CSMD1: variants seen among roughly 807,000 people sequenced by gnomAD.
CSMD1 encodes the protein CUB and Sushi multiple domains 1, also known as CUB and sushi domain-containing protein 1.
A neutral mutation model predicts 417.5 loss-of-function variants in CSMD1; 213 were observed. The ratio of observed to expected loss-of-function variants is 0.51; its 90% CI spans 0.46 to 0.57. The LOEUF (loss-of-function observed/expected upper bound fraction) is 0.57. Among genes scored for constraint, CSMD1 ranks in the 20% least tolerant of loss-of-function variants. The probability of loss-of-function intolerance (pLI) is 0.00; values close to 1 mark genes in which losing one functional copy is unlikely to be tolerated. For missense variants in CSMD1, 6,923 were observed against 4,529.7 expected, an observed-to-expected ratio of 1.53 and a Z score of -15.17; for synonymous variants, 2,862 against 1,736.8, an observed-to-expected ratio of 1.65 and a Z score of -16.11.
At chr8:4,512,441 T>G (rs957838551) in intron 2 of CSMD1, among the ~76,000 whole-genome samples, 2 of 151,958 alleles carry the variant, frequency 1.3e-5, no homozygotes, top group East Asian at 3.9e-4. Flanking sequence ...ATAAAGCAAG[T>G]AGAGAAAATA....
intron 2 of CSMD1, among the ~76,000 whole-genome samples, chr8:4,575,254 G>A (rs1420122223): frequency 2.0e-5 from 3 of 152,182 alleles, no homozygotes; most frequent in Non-Finnish European, 4.4e-5. Context: ...CAATTAAAAG[G>A]TGGAGATCAT....
intron 2 of CSMD1, among the ~76,000 whole-genome samples, chr8:4,439,461 T>G (rs942682371): frequency 6.6e-6 from 1 of 152,142 alleles, no homozygotes; most frequent in African/African-American, 2.4e-5. Context: ...CCTAACATTC[T>G]TATGTTTTCC....
At chr8:3,396,163 T>G in intron 17 of CSMD1, 31 bp downstream of exon 17, 1 of 1,540,432 alleles carries the variant, frequency 6.5e-7, no homozygotes, top group Non-Finnish European at 8.8e-7. Context: ...CATGCTGCCC[T>G]GCCGGGCTGT....
At chr8:3,749,976 T>G (rs922204959) in intron 6 of CSMD1, among the ~76,000 whole-genome samples, 4 of 152,214 alleles carry the variant, frequency 2.6e-5, no homozygotes, top group Non-Finnish European at 5.9e-5. Flanking sequence ...GGTAAAACAG[T>G]TTTCTAAAAC....
chr8:3,307,749 T>G lies in CSMD1; in HGVS notation c.3896A>C (p.Asp1299Ala), dbSNP rs1263940700. ...ILSPGYPAPY[D>A]NNLHCTWIIE... is the part of the protein sequence containing the mutation. ...AATCCAGGTGCAGTGGAGGTTGTTGTCATACGGAGCTGGATAGCCAGGGGA... is the reference window on the plus strand; with the variant it reads ...AATCCAGGTGCAGTGGAGGTTGTTGGCATACGGAGCTGGATAGCCAGGGGA... The change falls in exon 25 of 70, where the codon GAC becomes GCC. Residue 1299 changes from aspartate (D) to alanine (A), a missense_variant. Coordinates refer to ENST00000635120, the MANE Select transcript of CSMD1 (RefSeq NM_033225.6). 17 of 1,613,690 alleles carry G rather than the reference T, an allele frequency of 1.1e-5. No homozygotes were observed. The highest frequency in any genetic ancestry group is 1.4e-5 in the Non-Finnish European group (16 of 1,179,762).
chr8:3,457,797 T>C (rs987952001), intron 12 of CSMD1, among the ~76,000 whole-genome samples: 6 of 152,070 alleles, frequency 3.9e-5, no homozygotes, highest in Non-Finnish European at 7.4e-5. Context: ...AAAAAACCTG[T>C]TTGTAAAAGT....
chr8:4,699,137 C>T (rs941248350), intron 1 of CSMD1, among the ~76,000 whole-genome samples: 1 of 152,132 alleles, frequency 6.6e-6, no homozygotes, highest in Admixed American at 6.5e-5. Flanking sequence ...TTGGATGATG[C>T]CAGATTTGGA....
chr8:4,679,954 A>T (rs1287219123), intron 1 of CSMD1, among the ~76,000 whole-genome samples: 1 of 152,204 alleles, frequency 6.6e-6, no homozygotes, highest in East Asian at 1.9e-4. Context: ...AACAGGGCAG[A>T]TTTAGAACCA....
At chr8:4,093,847 G>C (rs1563115051) in intron 3 of CSMD1, among the ~76,000 whole-genome samples, 1 of 152,030 alleles carries the variant, frequency 6.6e-6, no homozygotes, top group Non-Finnish European at 1.5e-5. Flanking sequence ...TGTAATCCCA[G>C]CAATCGGGAG....
At chr8:4,984,964 T>G (rs1235045455) in intron 1 of CSMD1, among the ~76,000 whole-genome samples, 1 of 152,152 alleles carries the variant, frequency 6.6e-6, no homozygotes, top group South Asian at 2.1e-4. Flanking sequence ...TGGAAACTCC[T>G]AGAAAGCACT....
At chr8:3,963,822 A>T (rs1372498500) in intron 5 of CSMD1, among the ~76,000 whole-genome samples, 1 of 152,216 alleles carries the variant, frequency 6.6e-6, no homozygotes, top group African/African-American at 2.4e-5. Context: ...TAAAATCAAC[A>T]TCAAATGTAA....
intron 8 of CSMD1, 99 bp from the exon 9 acceptor site, chr8:3,586,359 TC>T (rs1467782198): frequency 1.6e-6 from 2 of 1,228,374 alleles, no homozygotes; most frequent in African/African-American, 3.1e-5. Context: ...ACGATCTTGT[TC>T]AGTTAAAACA....
intron 2 of CSMD1, among the ~76,000 whole-genome samples, chr8:4,430,150 A>G (rs1053999274): frequency 1.3e-5 from 2 of 152,190 alleles, no homozygotes; most frequent in African/African-American, 4.8e-5. Flanking sequence ...AAGCAAATCT[A>G]TGTCAGAATC....
intron 2 of CSMD1, among the ~76,000 whole-genome samples, chr8:4,471,218 G>T: frequency 6.6e-6 from 1 of 152,058 alleles, no homozygotes; most frequent in Non-Finnish European, 1.5e-5. Flanking sequence ...CTTAGAAAAA[G>T]TCTCGTGTTC....
chr8:4,309,983 C>T (rs1452150252), intron 3 of CSMD1, among the ~76,000 whole-genome samples: 1 of 152,164 alleles, frequency 6.6e-6, no homozygotes, highest in African/African-American at 2.4e-5. Flanking sequence ...TTTATTTTCA[C>T]ACCAGACTAA....
intron 3 of CSMD1, among the ~76,000 whole-genome samples, chr8:4,288,101 A>C (rs1797161531): frequency 6.6e-6 from 1 of 152,130 alleles, no homozygotes. Flanking sequence ...AGTTTTACTT[A>C]TTTTGCTAGC....
At chr8:4,298,919 C>G (rs965743986) in intron 3 of CSMD1, among the ~76,000 whole-genome samples, 1 of 151,846 alleles carries the variant, frequency 6.6e-6, no homozygotes, top group Non-Finnish European at 1.5e-5. Flanking sequence ...TATATATACA[C>G]ACATAAATAC....
At chr8:4,234,045 G>A (rs753297468) in intron 3 of CSMD1, among the ~76,000 whole-genome samples, 2 of 152,108 alleles carry the variant, frequency 1.3e-5, no homozygotes, top group Non-Finnish European at 2.9e-5. Context: ...CCATCAGCCA[G>A]TGAAACAGAT....
chr8:3,348,339 A>T (rs555081542), intron 21 of CSMD1, among the ~76,000 whole-genome samples, 178 bp from the exon 22 acceptor site: 3 of 152,324 alleles, frequency 2.0e-5, no homozygotes, highest in Admixed American at 2.0e-4. Flanking sequence ...TGGACCAAAA[A>T]AGATACCCCA....
Sources: gnomAD v4.1 joint callset for allele counts (sites outside exome capture counted in the v4.1 genomes callset) on GRCh38, gnomAD v4.1.1 for gene constraint, MANE v1.5 for transcripts, NCBI Gene and HGNC (gene_info 2026-07-23, HGNC 2026-07-21) for gene names.